SHISA6: variants seen among roughly 807,000 people sequenced by gnomAD.
SHISA6 encodes protein shisa-6.
SHISA6 carries 22 observed loss-of-function variants against 47.9 expected under a neutral mutation model. The ratio of observed to expected loss-of-function variants is 0.46; its 90% CI spans 0.33 to 0.66. SHISA6 has a LOEUF of 0.66. Among genes scored for constraint, SHISA6 ranks in the 30% least tolerant of loss-of-function variants. The pLI is 0.02. For synonymous variants in SHISA6, 388 were observed against 337.8 expected (o/e 1.15, Z -1.63); for missense variants, 680 against 764.6 (o/e 0.89, Z 1.30).
chr17:11,384,915 G>T (rs970220425), intron 3 of SHISA6, among the ~76,000 whole-genome samples: 5 of 152,206 alleles, frequency 3.3e-5, no homozygotes, highest in African/African-American at 9.6e-5. Context: ...TGATCGCTCT[G>T]TTGTAGGAGC....
At chr17:11,452,122 GC>G (rs1283918549) in intron 3 of SHISA6, among the ~76,000 whole-genome samples, 1 of 152,172 alleles carries the variant, frequency 6.6e-6, no homozygotes, top group Non-Finnish European at 1.5e-5. Flanking sequence ...GTGGTCAGAG[GC>G]TCTTCACGTA....
In SHISA6 at chr17:11,270,662, T is replaced by C. The variant is rs187995145; in HGVS notation, c.799+7136T>C. Among the ~76,000 whole-genome samples the C allele has an allele frequency of 9.5e-4, 145 of 152,342 alleles. 1 individual carries two copies. The highest frequency in any genetic ancestry group is 3.1e-3 in the African/African-American group (129 of 41,578). On this transcript the variant is annotated intron_variant, in intron 2 of 5. Transcript: ENST00000441885. ...TAAGTAAATGAATGGATGCGTGTTT[T>C]CATAAAATTTGGACATATGTTTCCA... is the stretch of plus-strand genomic sequence containing the variant.
intron 3 of SHISA6, among the ~76,000 whole-genome samples, chr17:11,435,914 T>C (rs1314224555): frequency 6.6e-6 from 1 of 152,194 alleles, no homozygotes; most frequent in Non-Finnish European, 1.5e-5. Context: ...GTTTTTCCTT[T>C]TTATTTAAAA....
chr17:11,431,328 G>A (rs1429205988), intron 3 of SHISA6, among the ~76,000 whole-genome samples: 1 of 152,198 alleles, frequency 6.6e-6, no homozygotes, highest in Non-Finnish European at 1.5e-5. Flanking sequence ...AGGGGAGTGT[G>A]GAGCAGGAAG....
intron 2 of SHISA6, among the ~76,000 whole-genome samples, chr17:11,358,366 C>CTT: frequency 6.7e-6 from 1 of 148,842 alleles, no homozygotes; most frequent in Admixed American, 6.7e-5. Flanking sequence ...TGACAGGATT[C>CTT]TTTTTTTTTT....
chr17:11,461,230 T>G (rs1915681106), intron 3 of SHISA6, among the ~76,000 whole-genome samples: 1 of 152,006 alleles, frequency 6.6e-6, no homozygotes, highest in African/African-American at 2.4e-5. Flanking sequence ...ACGCTGTCTC[T>G]ACTAAAAATG....
intron 3 of SHISA6, among the ~76,000 whole-genome samples, chr17:11,502,595 T>C (rs184274923): frequency 1.6e-3 from 234 of 147,008 alleles, no homozygotes; most frequent in Non-Finnish European, 2.7e-3. Flanking sequence ...CGCATGGTGG[T>C]GTGTGCCTGT....
At chr17:11,283,919 C>G (rs781190105) in intron 2 of SHISA6, among the ~76,000 whole-genome samples, 10 of 152,150 alleles carry the variant, frequency 6.6e-5, no homozygotes, top group Non-Finnish European at 1.5e-4. Context: ...GTGCTTTGCG[C>G]TTCAGACTTG....
At chr17:11,542,292 A>G (rs1483131496) in intron 3 of SHISA6, among the ~76,000 whole-genome samples, 1 of 151,210 alleles carries the variant, frequency 6.6e-6, no homozygotes, top group Non-Finnish European at 1.5e-5. Context: ...CAAAACAACA[A>G]TGGCCAGAGG....
intron 2 of SHISA6, among the ~76,000 whole-genome samples, chr17:11,322,189 A>G (rs1910738676): frequency 1.3e-5 from 2 of 152,148 alleles, no homozygotes; most frequent in Non-Finnish European, 2.9e-5. Context: ...TTGGTGACAT[A>G]AGTTTTACTC....
At chr17:11,425,977 C>G (rs887941106) in intron 3 of SHISA6, among the ~76,000 whole-genome samples, 1 of 152,184 alleles carries the variant, frequency 6.6e-6, no homozygotes, top group African/African-American at 2.4e-5. Context: ...TCAACTTGAG[C>G]CTTGAACATG....
At chr17:11,459,845 C>G (rs1214617590) in intron 3 of SHISA6, among the ~76,000 whole-genome samples, 2 of 152,204 alleles carry the variant, frequency 1.3e-5, no homozygotes, top group African/African-American at 2.4e-5. Flanking sequence ...GAAATTGCTT[C>G]CCTGACTTCT....
intron 3 of SHISA6, among the ~76,000 whole-genome samples, chr17:11,511,267 A>G (rs2071539188): frequency 6.6e-6 from 1 of 152,076 alleles, no homozygotes. Flanking sequence ...GGGCAGCATC[A>G]CACACTGGGG....
At chr17:11,422,967 C>CTAGAAAGAA (rs1047800504) in intron 3 of SHISA6, among the ~76,000 whole-genome samples, 1 of 145,312 alleles carries the variant, frequency 6.9e-6, no homozygotes, top group Admixed American at 7.1e-5. Flanking sequence ...GCTACAGTCA[C>CTAGAAAGAA]TAGAAAGAAG....
intron 4 of SHISA6, among the ~76,000 whole-genome samples, chr17:11,552,455 C>T (rs545655503): frequency 1.4e-4 from 22 of 152,128 alleles, no homozygotes; most frequent in Non-Finnish European, 2.9e-4. Context: ...GCATAGTGCC[C>T]AAGGGTTATA....
chr17:11,498,378 T>C (rs2071425193), intron 3 of SHISA6, among the ~76,000 whole-genome samples: 1 of 152,218 alleles, frequency 6.6e-6, no homozygotes. Flanking sequence ...AGCTTGAATC[T>C]GTCTTCTAAG....
At chr17:11,417,327 G>C (rs1051679728) in intron 3 of SHISA6, among the ~76,000 whole-genome samples, 4 of 151,950 alleles carry the variant, frequency 2.6e-5, no homozygotes, top group African/African-American at 9.7e-5. Context: ...AACACAAGTA[G>C]GTTGAAGAAG....
At chr17:11,339,112 T>G (rs1450924495) in intron 2 of SHISA6, among the ~76,000 whole-genome samples, 1 of 149,540 alleles carries the variant, frequency 6.7e-6, no homozygotes, top group East Asian at 2.0e-4. Context: ...CATGTATACA[T>G]ATGTAACAAA....
At chr17:11,502,671 G>A (rs1020350972) in intron 3 of SHISA6, among the ~76,000 whole-genome samples, 4 of 152,170 alleles carry the variant, frequency 2.6e-5, no homozygotes, top group East Asian at 1.9e-4. Flanking sequence ...AGGTTGCAGT[G>A]AGCTGAGATC....
Sources: gnomAD v4.1 joint callset for allele counts (sites outside exome capture counted in the v4.1 genomes callset) on GRCh38, gnomAD v4.1.1 for gene constraint, MANE v1.5 for transcripts, NCBI Gene and HGNC (gene_info 2026-07-23, HGNC 2026-07-21) for gene names.